Variants in ZNF749 observed in about 807,000 individuals in gnomAD.
The protein encoded by ZNF749 is zinc finger protein 749.
Under a neutral mutation model 7.3 loss-of-function variants are expected in ZNF749, and 8 were observed. The ratio of observed to expected loss-of-function variants is 1.10; its 90% CI spans 0.64 to 1.98. The LOEUF is 1.98. Ranked by LOEUF, ZNF749 falls within the 30% of genes most tolerant of loss-of-function variation. ZNF749 has a pLI of 0.00. For synonymous variants in ZNF749, 310 were observed against 322.4 expected (o/e 0.96, Z 0.41); for missense variants, 898 against 932.4 (o/e 0.96, Z 0.48).
rs1380579488 is a variant in ZNF749 at position 57,443,745 on chromosome 19, C to A, written c.597C>A (p.Ser199Arg). ...FQGEQNDFNS[S>R]QGGKDFCHQH... ...GTGAACAGAATGATTTCAACTCCAG[C>A]CAAGGTGGGAAAGACTTTTGCCACC... Residue 199 changes from serine (S) to arginine (R), a missense_variant, in exon 3 of 3, where the codon AGC becomes AGA. By Grantham distance (110) the Ser-to-Arg change is moderately radical (BLOSUM62 -1). Transcript: ENST00000334181. 5.0e-6 allele frequency: 8 copies of A among 1,614,136 alleles called. No homozygotes were observed. Among genetic ancestry groups the A allele is most frequent in the Non-Finnish European group, 6.8e-6 (8 of 1,180,022 alleles).
chr19:57,444,268 A>C lies in ZNF749; in HGVS notation c.1120A>C (p.Arg374=). The C allele has an allele frequency of 6.2e-7, 1 of 1,614,188 alleles. No individual in the cohort carries two copies. The highest frequency in any genetic ancestry group is 8.5e-7 in the Non-Finnish European group (1 of 1,180,022). The change falls in exon 3 of 3, where the codon AGA becomes CGA. Residue 374 remains arginine (R), a synonymous_variant. Coordinates refer to ENST00000334181, the MANE Select transcript of ZNF749 (RefSeq NM_001023561.4). ...CAGCTTCACACTCGGTAGACATCAG[A>C]GAGTTCATACTGGAGAAAGGCCTTT... ...MDSFTLGRHQ[R]VHTGERPFEC...
chr19:57,442,753 G>A lies in ZNF749; in HGVS notation c.143-538G>A, dbSNP rs1300845446. 1.3e-5 allele frequency among the ~76,000 whole-genome samples: 2 copies of A among 152,096 alleles called. No individual in the cohort carries two copies. The highest frequency in any genetic ancestry group is 2.9e-5 in the Non-Finnish European group (2 of 68,014). On this transcript the variant is annotated intron_variant, in intron 2 of 2. Transcript: ENST00000334181. The surrounding 1 kb of genome is among the most constrained non-coding windows in gnomAD (Gnocchi z 6.6). ...CTTGTGACCACTATTGTTTGATGCAGGGCCACTGGCCACTCGTCACTCTTC... is the reference window on the plus strand; with the variant it reads ...CTTGTGACCACTATTGTTTGATGCAAGGCCACTGGCCACTCGTCACTCTTC...
chr19:57,444,896 G>A lies in ZNF749; in HGVS notation c.1748G>A (p.Arg583His), dbSNP rs148572975. ...CAGAAAATCCAGACTGGAGAACGGC[G>A]TTATGAATGCAATGAATGTGGGAAA... Reference protein sequence around the residue: ...GHQKIQTGERRYECNECGKFF... With the variant: ...GHQKIQTGERHYECNECGKFF... Residue 583 changes from arginine (R) to histidine (H), a missense_variant, in exon 3 of 3, where the codon CGT (arginine) becomes CAT (histidine). Arg to His is a conservative substitution (Grantham distance 29, BLOSUM62 0). Transcript: ENST00000334181. 3.0e-5 allele frequency: 48 copies of A among 1,614,040 alleles called. No homozygotes were observed. The highest frequency in any genetic ancestry group is 1.1e-4 in the South Asian group (10 of 91,070).
At position 57,446,644 on chromosome 19, in the gene ZNF749, G is replaced by A. The variant is rs1042681446; in HGVS notation, c.*1159G>A. ...TAAAATCCCATTGTAGTCATGTGTCGCCTAACAAGAGGACTGTGTTCTGAG... is the reference window on the plus strand; with the variant it reads ...TAAAATCCCATTGTAGTCATGTGTCACCTAACAAGAGGACTGTGTTCTGAG... On this transcript the variant is annotated 3_prime_UTR_variant, in exon 3 of 3. Transcript: ENST00000334181. Among the ~76,000 whole-genome samples the A allele has an allele frequency of 1.3e-5, 2 of 151,992 alleles. No individual in the cohort carries two copies. The highest frequency in any genetic ancestry group is 2.4e-5 in the African/African-American group (1 of 41,354).
Position 57,444,088 on chromosome 19 carries a change from G to C in ZNF749, c.940G>C (p.Val314Leu), listed in dbSNP as rs1201298092. 2 of 1,613,862 alleles carry C rather than the reference G, an allele frequency of 1.2e-6. No homozygotes were observed. Among genetic ancestry groups the C allele is most frequent in the African/African-American group, 2.7e-5 (2 of 74,866 alleles). ...GKAFLTQAHLVGHQKTHTGEQ... is the reference protein window; with the variant it reads ...GKAFLTQAHLLGHQKTHTGEQ... The stretch of plus-strand genomic sequence containing the variant: ...GGCCTTTCTTACACAGGCTCATCTG[G>C]TTGGTCACCAGAAAACCCATACTGG... Residue 314 changes from valine (V) to leucine (L), a missense_variant, in exon 3 of 3, where the codon GTT becomes CTT. Val to Leu is a conservative substitution (Grantham distance 32, BLOSUM62 1). Coordinates refer to ENST00000334181, the MANE Select transcript of ZNF749 (RefSeq NM_001023561.4).
chr19:57,438,178 GA>G (rs1184535764), intron 1 of ZNF749: 11 of 398,604 alleles, frequency 2.8e-5, no homozygotes, highest in Admixed American at 2.2e-4. Context: ...TGTTTCTCAT[GA>G]AAGCAGGATG....
rs184492153 is a variant in ZNF749 at position 57,438,202 on chromosome 19, C to T, written c.15+2609C>T. 7.3e-4 allele frequency: 292 copies of T among 398,118 alleles called. 1 individual carries two copies. Among genetic ancestry groups the T allele is most frequent in the African/African-American group, 5.7e-3 (278 of 48,744 alleles). 24.7% of individuals were successfully genotyped at this position (398,118 alleles called of 1,614,324 possible). Reference sequence around the variant, plus strand: ...TGAAAGCAGGATGTTGGCAAACTGACAAACTGCGTCTGCCACCCAGAAGGA... The same window carrying T: ...TGAAAGCAGGATGTTGGCAAACTGATAAACTGCGTCTGCCACCCAGAAGGA... On this transcript the variant is annotated intron_variant, in intron 1 of 2. Coordinates refer to ENST00000334181, the MANE Select transcript of ZNF749 (RefSeq NM_001023561.4).
rs2088994107 is a variant in ZNF749 at position 57,441,922 on chromosome 19, C to T, written c.53C>T (p.Ser18Phe). 1.2e-6 allele frequency: 2 copies of T among 1,614,106 alleles called. No homozygotes were observed. The highest frequency in any genetic ancestry group is 1.7e-6 in the Non-Finnish European group (2 of 1,180,010). The change falls in exon 2 of 3, where the codon TCC becomes TTC. Residue 18 changes from serine (S) to phenylalanine (F), a missense_variant. Coordinates refer to ENST00000334181, the MANE Select transcript of ZNF749 (RefSeq NM_001023561.4). ...MVFEDVAIYF[S>F]QEEWGILNDA... Reference sequence around the variant, plus strand: ...TTTGAGGATGTGGCCATATATTTCTCCCAAGAGGAATGGGGGATCCTTAAT... The same window carrying T: ...TTTGAGGATGTGGCCATATATTTCTTCCAAGAGGAATGGGGGATCCTTAAT...
At chr19:57,431,038 CA>C (rs34687490), upstream of ZNF749, among the ~76,000 whole-genome samples, 285 of 93,758 alleles carry the variant, frequency 3.0e-3, 2 homozygotes, top group African/African-American at 5.5e-3. Context: ...GACTCTGTCT[CA>C]AAAAAAAAAA....
At chr19:57,435,953 T>C (rs1189317998) in intron 1 of ZNF749, among the ~76,000 whole-genome samples, 2 of 151,934 alleles carry the variant, frequency 1.3e-5, no homozygotes, top group Non-Finnish European at 2.9e-5. Flanking sequence ...AAGTTTAAAG[T>C]TGGGGAAAAC....
upstream of ZNF749, among the ~76,000 whole-genome samples, chr19:57,432,279 T>TA (rs376998074): frequency 2.5e-4 from 35 of 140,936 alleles, no homozygotes; most frequent in East Asian, 2.7e-3. Context: ...GGGAGCCAAT[T>TA]AAAAAAAAAA....
chr19:57,434,734 C>T (rs2088917484), upstream of ZNF749, among the ~76,000 whole-genome samples: 1 of 152,146 alleles, frequency 6.6e-6, no homozygotes, highest in South Asian at 2.1e-4. Context: ...CCCTTTTCGT[C>T]GACAGAAAGA....
Position 57,435,438 on chromosome 19 carries a change from C to T in ZNF749, c.-141C>T. 7.7e-7 allele frequency: 1 copy of T among 1,294,364 alleles called. No homozygotes were observed. Among genetic ancestry groups the T allele is most frequent in the Non-Finnish European group, 1.1e-6 (1 of 928,036 alleles). 80.2% of individuals were successfully genotyped at this position (1,294,364 alleles called of 1,614,324 possible). On this transcript the variant is annotated 5_prime_UTR_variant, in exon 1 of 3. Transcript: ENST00000334181. The stretch of plus-strand genomic sequence containing the variant: ...ACTGAGGTGAAAGAGCGGAAAAACG[C>T]GAGAAGCGGTGTTCCTTCTACACAG...
upstream of ZNF749, among the ~76,000 whole-genome samples, chr19:57,432,592 G>GC (rs1391020137): frequency 4.8e-5 from 7 of 146,356 alleles, no homozygotes; most frequent in African/African-American, 1.2e-4. Flanking sequence ...AAAGGTGGGG[G>GC]GGACTAAACA....
At chr19:57,443,104 T>G (rs540215159) in intron 2 of ZNF749, among the ~76,000 whole-genome samples, 187 bp from the exon 3 acceptor site, 46 of 152,186 alleles carry the variant, frequency 3.0e-4, no homozygotes, top group Non-Finnish European at 5.4e-4. Flanking sequence ...ACCACCAGGA[T>G]TCCCCCACTA....
rs976081527 is a variant in ZNF749 at position 57,436,026 on chromosome 19, C to T, written c.15+433C>T. Among the ~76,000 whole-genome samples, 2 of 152,000 alleles carry T rather than the reference C, an allele frequency of 1.3e-5. No homozygotes were observed. Among genetic ancestry groups the T allele is most frequent in the Non-Finnish European group, 2.9e-5 (2 of 67,998 alleles). On this transcript the variant is annotated intron_variant, in intron 1 of 2. Transcript: ENST00000334181. This position sits in a 1 kb window ranked among gnomAD's most constrained non-coding sequence, Gnocchi z 4.0. The stretch of plus-strand genomic sequence containing the variant: ...CCCCTTGAGTTATGGTAGGGCTGGG[C>T]CAGAGGGGTTGCAGTAGAGGGGAGA...
upstream of ZNF749, among the ~76,000 whole-genome samples, chr19:57,430,522 G>A (rs748546216): frequency 2.6e-5 from 4 of 152,118 alleles, no homozygotes; most frequent in African/African-American, 7.2e-5. Flanking sequence ...GAAAGAATTC[G>A]AAATTTCTCT....
chr19:57,445,608 C>A lies in ZNF749; in HGVS notation c.*123C>A. The stretch of plus-strand genomic sequence containing the variant: ...TTGAAAGAGTTCAGATGGAAATCTG[C>A]GAGGATTTCCTGCTGGGAACTACAT... On this transcript the variant is annotated 3_prime_UTR_variant, in exon 3 of 3. Coordinates refer to ENST00000334181, the MANE Select transcript of ZNF749 (RefSeq NM_001023561.4). 6.9e-7 allele frequency: 1 copy of A among 1,444,606 alleles called. No individual in the cohort carries two copies. Among genetic ancestry groups the A allele is most frequent in the Non-Finnish European group, 9.2e-7 (1 of 1,088,190 alleles). The allele number at this position is 1,444,606 out of a possible 1,614,324, so 89.5% of individuals were successfully genotyped here. A position where few individuals can be genotyped will look rare whatever the true frequency, so the allele number is the denominator to read the frequency against.
At chr19:57,434,896 C>T (rs2088918537), upstream of ZNF749, among the ~76,000 whole-genome samples, 1 of 152,186 alleles carries the variant, frequency 6.6e-6, no homozygotes, top group African/African-American at 2.4e-5. Flanking sequence ...AATGGAGGAC[C>T]AGTTCATTAT....
Sources: allele counts gnomAD v4.1 joint callset (sites outside exome capture counted in the v4.1 genomes callset), GRCh38; gene constraint gnomAD v4.1.1; non-coding constraint Gnocchi (gnomAD v3.1); transcripts MANE v1.5; gene names NCBI Gene and HGNC (gene_info 2026-07-23, HGNC 2026-07-21).